The following ACAD11 variants were observed in gnomAD, a reference collection of about 807,000 sequenced individuals.
ACAD11 encodes the protein acyl-Coenzyme A dehydrogenase family, member 11.
Under a neutral mutation model 102.2 loss-of-function variants are expected in ACAD11, and 83 were observed. The observed-to-expected ratio is 0.81, with a 90% confidence interval of 0.68 to 0.97. The LOEUF is 0.97. Among genes scored for constraint, ACAD11 ranks in the 50% least tolerant of loss-of-function variants. The probability of loss-of-function intolerance (pLI) is 0.00; values close to 1 mark genes in which losing one functional copy is unlikely to be tolerated. For missense variants in ACAD11, 901 were observed against 951.7 expected, an observed-to-expected ratio of 0.95 and a Z score of 0.70; for synonymous variants, 324 against 319.8, an observed-to-expected ratio of 1.01 and a Z score of -0.14.
chr3:132,646,354 C>G (rs1208162683), intron 1 of ACAD11: 3 of 152,096 alleles, frequency 2.0e-5, no homozygotes, highest in Non-Finnish European at 4.4e-5. Context: ...CTGCCTGGGC[C>G]TCCCAAAGTG....
At position 132,559,083 on chromosome 3, in the gene ACAD11, T is replaced by C. The variant is rs1936970191; in HGVS notation, c.2231A>G (p.Tyr744Cys). Residue 744 changes from tyrosine (Y) to cysteine (C), a missense_variant and splice_region_variant, in exon 20 of 20, where the codon TAT (tyrosine) becomes TGT (cysteine). Physicochemically the swap from Tyr to Cys is radical, Grantham distance 194 (BLOSUM62 -2). Transcript: ENST00000264990. ...TAAACGCAAAACTCGGGTTATAGCA[T>C]ACCTGAAAAAGCAAAAGAATCAGGG... ...VSQDYPLANM[Y>C]AITRVLRLAD... is the part of the protein sequence containing the mutation. 2 of 1,610,588 alleles carry C rather than the reference T, an allele frequency of 1.2e-6. No individual in the cohort carries two copies. Among genetic ancestry groups the C allele is most frequent in the Non-Finnish European group, 1.7e-6 (2 of 1,177,154 alleles).
intron 13 of ACAD11, among the ~76,000 whole-genome samples, chr3:132,592,475 G>A (rs943821289): frequency 6.6e-6 from 1 of 152,034 alleles, no homozygotes; most frequent in East Asian, 1.9e-4. Flanking sequence ...GATTAAGTCA[G>A]GCTAAAAATT....
intron 13 of ACAD11, chr3:132,600,604 C>A: frequency 6.2e-7 from 1 of 1,613,762 alleles, no homozygotes; most frequent in South Asian, 1.1e-5. Flanking sequence ...ATGCCTATTA[C>A]AAGAAACAGA....
At chr3:132,600,334 T>G in intron 13 of ACAD11, 3 of 1,409,408 alleles carry the variant, frequency 2.1e-6, no homozygotes, top group Non-Finnish European at 2.8e-6. Context: ...TAAAAACTGT[T>G]TCCTTTTAAG....
intron 13 of ACAD11, among the ~76,000 whole-genome samples, chr3:132,583,107 A>G (rs1937637902): frequency 6.6e-6 from 1 of 152,182 alleles, no homozygotes; most frequent in Non-Finnish European, 1.5e-5. Flanking sequence ...ATTGATTGGA[A>G]TAGTTTCAGG....
At chr3:132,585,693 C>T (rs919955330) in intron 13 of ACAD11, among the ~76,000 whole-genome samples, 27 of 152,320 alleles carry the variant, frequency 1.8e-4, no homozygotes, top group African/African-American at 6.0e-4. Flanking sequence ...TATGAATAGA[C>T]ACTTCTCAAA....
chr3:132,588,192 G>GGTATGTATGTATGTAT (rs3045373), intron 13 of ACAD11, among the ~76,000 whole-genome samples: 3,262 of 150,768 alleles, frequency 0.022, 141 homozygotes, highest in African/African-American at 0.076. Context: ...CAGGCAGGCA[G>GGTATGTATGTATGTAT]GTATGTATGT....
intron 5 of ACAD11, among the ~76,000 whole-genome samples, chr3:132,633,404 T>C (rs931841056): frequency 6.6e-6 from 1 of 152,226 alleles, no homozygotes; most frequent in African/African-American, 2.4e-5. Flanking sequence ...TGAACCAGCC[T>C]TGCATCCCAG....
chr3:132,609,501 C>T (rs922763333), intron 11 of ACAD11, among the ~76,000 whole-genome samples: 6 of 152,138 alleles, frequency 3.9e-5, no homozygotes, highest in African/African-American at 1.4e-4. Context: ...ATACTATAAA[C>T]ACCCTATGCA....
chr3:132,599,158 C>G (rs1278609460), intron 13 of ACAD11, among the ~76,000 whole-genome samples: 1 of 151,598 alleles, frequency 6.6e-6, no homozygotes, highest in Non-Finnish European at 1.5e-5. Context: ...ATCAAAAATA[C>G]AAAAAGTTAT....
chr3:132,639,593 G>A lies in ACAD11; in HGVS notation c.601C>T (p.Leu201=), dbSNP rs144758147. Residue 201 remains leucine (L), a synonymous_variant, in exon 5 of 20, where the codon CTA becomes TTA. Transcript: ENST00000264990. ...AAGTTCTTCATTAGCCACTCCGATA[G>A]CTGTTGCATGGCAGGGATGTCCTGA... is the stretch of plus-strand genomic sequence containing the variant. ...AHQDIPAMQQ[L]SEWLMKNLPD... is the part of the protein sequence containing the mutation. 60 of 1,613,610 alleles carry A rather than the reference G, an allele frequency of 3.7e-5. No homozygotes were observed. Among genetic ancestry groups the A allele is most frequent in the Non-Finnish European group, 4.6e-5 (54 of 1,179,830 alleles).
At chr3:132,617,845 C>T (rs1385045740) in intron 11 of ACAD11, among the ~76,000 whole-genome samples, 1 of 152,176 alleles carries the variant, frequency 6.6e-6, no homozygotes, top group Non-Finnish European at 1.5e-5. Flanking sequence ...CTGGTTATTA[C>T]TGGAATACAT....
chr3:132,604,960 C>T (rs918068669), intron 12 of ACAD11, 138 bp downstream of exon 12: 27 of 546,670 alleles, frequency 4.9e-5, no homozygotes, highest in African/African-American at 3.4e-4. Context: ...ATAACAGGCT[C>T]AAAATAAACA....
intron 17 of ACAD11, among the ~76,000 whole-genome samples, chr3:132,565,296 C>T (rs1937178546): frequency 1.3e-5 from 2 of 152,284 alleles, no homozygotes; most frequent in Admixed American, 6.5e-5. Context: ...ATAAGTCCCC[C>T]CAACCCATCT....
intron 11 of ACAD11, among the ~76,000 whole-genome samples, chr3:132,610,652 A>T (rs1283882160): frequency 6.6e-6 from 1 of 152,088 alleles, no homozygotes; most frequent in Non-Finnish European, 1.5e-5. Context: ...AGACACATAC[A>T]CCCTCCCAAG....
chr3:132,650,078 GAC>G (rs960403339), intron 1 of ACAD11: 5 of 152,186 alleles, frequency 3.3e-5, no homozygotes, highest in African/African-American at 1.2e-4. Context: ...GAAACAAAGA[GAC>G]AGAGTTTCTT....
chr3:132,602,569 T>C (rs1290613757), intron 13 of ACAD11, among the ~76,000 whole-genome samples: 1 of 152,202 alleles, frequency 6.6e-6, no homozygotes, highest in Non-Finnish European at 1.5e-5. Context: ...TAAAAAAATT[T>C]GCTGTAAATT....
chr3:132,590,856 T>C (rs929493941), intron 13 of ACAD11, among the ~76,000 whole-genome samples: 1 of 152,218 alleles, frequency 6.6e-6, no homozygotes, highest in Admixed American at 6.5e-5. Flanking sequence ...AATGAGATTG[T>C]TTTTCTCTTG....
At chr3:132,559,142 T>G in intron 19 of ACAD11, 57 bp from the exon 20 acceptor site, 1 of 1,166,636 alleles carries the variant, frequency 8.6e-7, no homozygotes, top group Non-Finnish European at 1.3e-6. Context: ...AACATGATAC[T>G]TTGACATCAG....
Sources: allele counts gnomAD v4.1 joint callset (sites outside exome capture counted in the v4.1 genomes callset), GRCh38; gene constraint gnomAD v4.1.1; transcripts MANE v1.5; gene names NCBI Gene and HGNC (gene_info 2026-07-23, HGNC 2026-07-21).